NEK8: variants seen among roughly 807,000 people sequenced by gnomAD.
NEK8 encodes serine/threonine-protein kinase Nek8.
A neutral mutation model predicts 77.2 loss-of-function variants in NEK8; 51 were observed. The ratio of observed to expected loss-of-function variants is 0.66; its 90% CI spans 0.53 to 0.83. NEK8 has a LOEUF of 0.83. Among genes scored for constraint, NEK8 ranks in the 40% least tolerant of loss-of-function variants. The pLI, the probability that NEK8 is intolerant of heterozygous loss-of-function variation, is 0.00. For missense variants in NEK8, 787 were observed against 909.2 expected (o/e 0.87, Z 1.73); for synonymous variants, 365 against 363.2 (o/e 1.00, Z -0.06).
Position 28,741,901 on chromosome 17 carries a change from T to C in NEK8, c.2051-58T>C. ...CCCAGTGGGAGTGGGAGGTGGGTGA[T>C]GATTTCTGGAGGCACTGCCCTCAGA... On this transcript the variant is annotated intron_variant, in intron 14 of 14. Coordinates refer to ENST00000268766, the MANE Select transcript of NEK8 (RefSeq NM_178170.3). This position sits in a 1 kb window ranked among gnomAD's most constrained non-coding sequence, Gnocchi z 4.5. 6.3e-7 allele frequency: 1 copy of C among 1,587,984 alleles called. No homozygotes were observed. Among genetic ancestry groups the C allele is most frequent in the Non-Finnish European group, 8.6e-7 (1 of 1,156,124 alleles).
At position 28,741,051 on chromosome 17, in the gene NEK8, C is replaced by G; in HGVS notation, c.1733-27C>G. The G allele has an allele frequency of 6.2e-7, 1 of 1,614,164 alleles. No individual in the cohort carries two copies. The highest frequency in any genetic ancestry group is 8.5e-7 in the Non-Finnish European group (1 of 1,180,024). ...CGGTCTCCTTGGTACCCTGTTGAAG[C>G]ACCCCTTTCCTTCCTCTCCCCCATA... On this transcript the variant is annotated intron_variant, in intron 12 of 14. Transcript: ENST00000268766. The surrounding 1 kb of genome is among the most constrained non-coding windows in gnomAD (Gnocchi z 4.5).
In NEK8 at chr17:28,741,574, G is replaced by C. The variant is rs780189365; in HGVS notation, c.2050+3G>C. The C allele has an allele frequency of 6.2e-7, 1 of 1,614,016 alleles. No homozygotes were observed. Among genetic ancestry groups the C allele is most frequent in the Non-Finnish European group, 8.5e-7 (1 of 1,180,024 alleles). ...AAACACCCTCCTGGCTGTTCGATGT[G>C]AGTTGTAACTTTTCCCACTTCACCA... On this transcript the variant is annotated splice_donor_region_variant and intron_variant, in intron 14 of 14. Transcript: ENST00000268766. This position sits in a 1 kb window ranked among gnomAD's most constrained non-coding sequence, Gnocchi z 4.5.
At chr17:28,736,913 G>A (rs112155568) in intron 4 of NEK8, among the ~76,000 whole-genome samples, 3,300 of 152,290 alleles carry the variant, frequency 0.022, 105 homozygotes, top group African/African-American at 0.075. Context: ...GGTCTAACAT[G>A]TAAGTCTTTA....
chr17:28,731,799 G>T (rs2034310025), intron 1 of NEK8, among the ~76,000 whole-genome samples: 1 of 149,510 alleles, frequency 6.7e-6, no homozygotes, highest in Non-Finnish European at 1.5e-5. Context: ...TAGAGACGGG[G>T]TTTCACCATG....
intron 4 of NEK8, among the ~76,000 whole-genome samples, chr17:28,736,798 G>T (rs1388957951): frequency 1.3e-5 from 2 of 151,916 alleles, no homozygotes; most frequent in Non-Finnish European, 2.9e-5. Context: ...GTCAATTTTG[G>T]CTTTTGTTGC....
intron 1 of NEK8, among the ~76,000 whole-genome samples, chr17:28,732,545 CTTTTTTTT>C (rs1054257308): frequency 2.6e-5 from 2 of 77,912 alleles, no homozygotes; most frequent in Non-Finnish European, 4.7e-5. Context: ...TTTTTCTTTT[CTTTTTTTT>C]TTTTTTTTTT....
Position 28,737,303 on chromosome 17 carries a change from C to G in NEK8, c.619-3C>G, listed in dbSNP as rs1045064988. ...CCAAATTCTCAACCTGGTGCCTTCA[C>G]AGAACTTGCCAGCACTGGTGCTGAA... On this transcript the variant is annotated splice_region_variant and splice_polypyrimidine_tract_variant and intron_variant, in intron 4 of 14. Coordinates refer to ENST00000268766, the MANE Select transcript of NEK8 (RefSeq NM_178170.3). The surrounding 1 kb of genome is among the most constrained non-coding windows in gnomAD (Gnocchi z 4.8). 1 of 1,608,992 alleles carries G rather than the reference C, an allele frequency of 6.2e-7. No individual in the cohort carries two copies. Among genetic ancestry groups the G allele is most frequent in the African/African-American group, 1.3e-5 (1 of 75,004 alleles).
chr17:28,740,729 T>C lies in NEK8; in HGVS notation c.1569-93T>C, dbSNP rs1464729164. The C allele has an allele frequency of 3.2e-6, 5 of 1,573,472 alleles. No homozygotes were observed. The African/African-American group carries it at 4.0e-5, about 13-fold the overall frequency. On this transcript the variant is annotated intron_variant, in intron 11 of 14. Transcript: ENST00000268766. This position sits in a 1 kb window ranked among gnomAD's most constrained non-coding sequence, Gnocchi z 4.7. ...AGAATTGAGGGGGTTGAGGGTGCTATTGGTTCAACCCAGGGTGGGATCTGT... is the reference window on the plus strand; with the variant it reads ...AGAATTGAGGGGGTTGAGGGTGCTACTGGTTCAACCCAGGGTGGGATCTGT...
intron 1 of NEK8, among the ~76,000 whole-genome samples, chr17:28,729,692 G>A (rs1457744801): frequency 6.6e-6 from 1 of 152,064 alleles, no homozygotes; most frequent in Non-Finnish European, 1.5e-5. Flanking sequence ...ACAGGCACGC[G>A]CCACCATGCC....
rs199635350 is a variant in NEK8, at chr17:28,741,569, G to A, written c.2048G>A (p.Arg683Gln). Residue 683 changes from arginine (R) to glutamine (Q), a missense_variant and splice_region_variant, in exon 14 of 15, where the codon CGA becomes CAA. Arg to Gln is a conservative substitution (Grantham distance 43, BLOSUM62 1). Around this residue, in one of 2 missense-constraint regions of NEK8, gnomAD observed 516 missense variants for 544.0 expected, o/e 0.95. Transcript: ENST00000268766. This position sits in a 1 kb window ranked among gnomAD's most constrained non-coding sequence, Gnocchi z 4.5. Reference sequence around the variant, plus strand: ...CATGGAAACACCCTCCTGGCTGTTCGATGTGAGTTGTAACTTTTCCCACTT... The same window carrying A: ...CATGGAAACACCCTCCTGGCTGTTCAATGTGAGTTGTAACTTTTCCCACTT... ...CCHGNTLLAV[R>Q]SVTDEPVPP 53 of 1,613,904 alleles carry A rather than the reference G, an allele frequency of 3.3e-5. No individual in the cohort carries two copies. The highest frequency in any genetic ancestry group is 8.9e-5 in the East Asian group (4 of 44,904).
intron 4 of NEK8, among the ~76,000 whole-genome samples, chr17:28,736,104 C>T (rs2034363210): frequency 6.6e-6 from 1 of 152,150 alleles, no homozygotes; most frequent in Non-Finnish European, 1.5e-5. Context: ...AGGACATGAA[C>T]TCATCATTTT....
In NEK8 at chr17:28,739,176, A is replaced by G; in HGVS notation, c.1392A>G (p.Leu464=). 1 of 1,613,854 alleles carries G rather than the reference A, an allele frequency of 6.2e-7. No homozygotes were observed. The highest frequency in any genetic ancestry group is 2.2e-5 in the East Asian group (1 of 44,880). The part of the protein sequence containing the change: ...HVLALSTERE[L]FAWGRGDSGR... Reference sequence around the variant, plus strand: ...TGGCCCTGTCCACTGAGCGAGAACTATTTGCCTGGGGCCGTGGAGACAGCG... The same window carrying G: ...TGGCCCTGTCCACTGAGCGAGAACTGTTTGCCTGGGGCCGTGGAGACAGCG... The change falls in exon 10 of 15, where the codon CTA becomes CTG. Residue 464 remains leucine (L), a synonymous_variant. Coordinates refer to ENST00000268766, the MANE Select transcript of NEK8 (RefSeq NM_178170.3).
chr17:28,741,790 G>A lies in NEK8; in HGVS notation c.2051-169G>A, dbSNP rs1407072951. Among the ~76,000 whole-genome samples, 2 of 152,312 alleles carry A rather than the reference G, an allele frequency of 1.3e-5. No individual in the cohort carries two copies. The highest frequency in any genetic ancestry group is 3.4e-3 in the Middle Eastern group (1 of 294). On this transcript the variant is annotated intron_variant, in intron 14 of 14. Coordinates refer to ENST00000268766, the MANE Select transcript of NEK8 (RefSeq NM_178170.3). The surrounding 1 kb of genome is among the most constrained non-coding windows in gnomAD (Gnocchi z 4.5). ...GAAGGGCTGCCTCCACTGCTCCCCA[G>A]GGCTCACATGCATTCTTTCTCCTAC...
Position 28,738,680 on chromosome 17 carries a change from T to G in NEK8, c.1232T>G (p.Ile411Ser), listed in dbSNP as rs778986582. 7 of 1,613,976 alleles carry G rather than the reference T, an allele frequency of 4.3e-6. No homozygotes were observed. The African/African-American group carries it at 9.3e-5, about 22-fold the overall frequency. The change falls in exon 9 of 15, where the codon ATC becomes AGC. Residue 411 changes from isoleucine (I) to serine (S), a missense_variant. Ile to Ser is a moderately radical substitution (Grantham distance 142). This residue lies in a region of NEK8 where 516 missense variants were observed against 544.0 expected (regional missense o/e 0.95). Coordinates refer to ENST00000268766, the MANE Select transcript of NEK8 (RefSeq NM_178170.3). Reference protein sequence around the residue: ...FFTACLTDRGIIMTFGSGSNG... With the variant: ...FFTACLTDRGSIMTFGSGSNG... ...CTGCCCTTCTCCCCAGACAGAGGCA[T>G]CATCATGACATTCGGCAGCGGCAGC...
intron 3 of NEK8, 94 bp downstream of exon 3, chr17:28,735,098 C>A: frequency 6.6e-7 from 1 of 1,519,720 alleles, no homozygotes; most frequent in Non-Finnish European, 9.1e-7. Context: ...AAACCCTTGG[C>A]CCTTTGGCCC....
chr17:28,730,973 C>T (rs2034300751), intron 1 of NEK8, among the ~76,000 whole-genome samples: 1 of 151,916 alleles, frequency 6.6e-6, no homozygotes. Flanking sequence ...AAAGAAGGGG[C>T]CGGGCACGGT....
Position 28,738,140 on chromosome 17 carries a change from G to A in NEK8, c.1117G>A (p.Val373Met), listed in dbSNP as rs1183328127. 4 of 1,613,996 alleles carry A rather than the reference G, an allele frequency of 2.5e-6. No individual in the cohort carries two copies. Among genetic ancestry groups the A allele is most frequent in the Non-Finnish European group, 3.4e-6 (4 of 1,179,984 alleles). ...AGGGSLLPGA[V>M]EQPQPQFISR... ...CGGAGGCAGTCTCCTTCCTGGGGCA[G>A]TGGAGCAGCCACAGCCCCAGTTCAT... is the stretch of plus-strand genomic sequence containing the variant. Residue 373 changes from valine (V) to methionine (M), a missense_variant, in exon 8 of 15, where the codon GTG (valine) becomes ATG (methionine). Val to Met is a conservative substitution (Grantham distance 21, BLOSUM62 1). Coordinates refer to ENST00000268766, the MANE Select transcript of NEK8 (RefSeq NM_178170.3).
Position 28,738,669 on chromosome 17 carries a change from A to G in NEK8, c.1223-2A>G, listed in dbSNP as rs766117694. 6.2e-7 allele frequency: 1 copy of G among 1,613,814 alleles called. No homozygotes were observed. The highest frequency in any genetic ancestry group is 1.3e-5 in the African/African-American group (1 of 75,044). ...CTCCTTCCTCACTGCCCTTCTCCCC[A>G]GACAGAGGCATCATCATGACATTCG... On this transcript the variant is annotated splice_acceptor_variant, in intron 8 of 14. Coordinates refer to ENST00000268766, the MANE Select transcript of NEK8 (RefSeq NM_178170.3). LOFTEE classifies it high-confidence loss of function.
rs769591444 is a variant in NEK8, at chr17:28,738,739, A to T, written c.1291A>T (p.Ile431Phe). ...GCLGHGSLTD[I>F]SQPTIVEALL... ...CCTAGGCCATGGCAGCCTCACTGAC[A>T]TCAGCCAGGTGGGTGTCACATATAC... Residue 431 changes from isoleucine (I) to phenylalanine (F), a missense_variant, in exon 9 of 15, where the codon ATC (isoleucine) becomes TTC (phenylalanine). Around this residue, in one of 2 missense-constraint regions of NEK8, gnomAD observed 516 missense variants for 544.0 expected, o/e 0.95. Coordinates refer to ENST00000268766, the MANE Select transcript of NEK8 (RefSeq NM_178170.3). 8.7e-6 allele frequency: 14 copies of T among 1,613,590 alleles called. No individual in the cohort carries two copies. The highest frequency in any genetic ancestry group is 1.3e-5 in the African/African-American group (1 of 74,922).
Sources: allele counts gnomAD v4.1 joint callset (sites outside exome capture counted in the v4.1 genomes callset), GRCh38; gene constraint gnomAD v4.1.1; regional missense constraint gnomAD v4.1.1; non-coding constraint Gnocchi (gnomAD v3.1); transcripts MANE v1.5; gene names NCBI Gene and HGNC (gene_info 2026-07-23, HGNC 2026-07-21).